TMEM178B: variants seen among roughly 807,000 people sequenced by gnomAD.
TMEM178B encodes transmembrane protein 178B.
Under a neutral mutation model 31.0 loss-of-function variants are expected in TMEM178B, and 5 were observed. That is an observed-to-expected ratio of 0.16 (90% CI 0.08 to 0.34). The LOEUF is 0.34. TMEM178B is among the 10% of genes least tolerant of loss of function. The pLI, the probability that TMEM178B is intolerant of heterozygous loss-of-function variation, is 1.00. For missense variants in TMEM178B, 275 were observed against 400.3 expected, an observed-to-expected ratio of 0.69 and a Z score of 2.67; for synonymous variants, 164 against 164.0, an observed-to-expected ratio of 1.00 and a Z score of 0.00.
At chr7:141,366,035 A>T (rs1334478173) in intron 2 of TMEM178B, among the ~76,000 whole-genome samples, 1 of 152,136 alleles carries the variant, frequency 6.6e-6, no homozygotes, top group Non-Finnish European at 1.5e-5. Context: ...TAATGTTGGG[A>T]GAAACGTTTC....
At chr7:141,112,685 C>T (rs1795253095) in intron 1 of TMEM178B, among the ~76,000 whole-genome samples, 1 of 152,194 alleles carries the variant, frequency 6.6e-6, no homozygotes, top group African/African-American at 2.4e-5. Flanking sequence ...CATCTCCAGG[C>T]ATGTGACTCT....
intron 1 of TMEM178B, among the ~76,000 whole-genome samples, chr7:141,137,930 G>A (rs1451284089): frequency 2.0e-5 from 3 of 152,130 alleles, no homozygotes; most frequent in Non-Finnish European, 4.4e-5. Flanking sequence ...TGATGGAAGG[G>A]GGCTGCTGTA....
At chr7:141,470,492 C>T (rs1195794330) in intron 3 of TMEM178B, 44 bp from the exon 4 acceptor site, 59 of 1,438,526 alleles carry the variant, frequency 4.1e-5, no homozygotes, top group Non-Finnish European at 5.4e-5. Flanking sequence ...TCTCCCCTTT[C>T]CTTCTCCATT....
At chr7:141,324,157 A>C (rs1302602860) in intron 2 of TMEM178B, among the ~76,000 whole-genome samples, 1 of 152,086 alleles carries the variant, frequency 6.6e-6, no homozygotes, top group African/African-American at 2.4e-5. Context: ...TTTGGAAGGA[A>C]AGCCATTGAG....
intron 2 of TMEM178B, among the ~76,000 whole-genome samples, chr7:141,327,195 T>C (rs888550187): frequency 6.6e-6 from 1 of 152,164 alleles, no homozygotes; most frequent in African/African-American, 2.4e-5. Flanking sequence ...GTATAGAGTT[T>C]ATGAAGTTTT....
chr7:141,426,130 A>G (rs1801311977), intron 2 of TMEM178B, among the ~76,000 whole-genome samples: 1 of 152,170 alleles, frequency 6.6e-6, no homozygotes, highest in African/African-American at 2.4e-5. Flanking sequence ...AGAAGAGAAA[A>G]ATTGACTTTA....
In TMEM178B at chr7:141,315,192, A is replaced by G. The variant is rs1345022061; in HGVS notation, c.496+102488A>G. ...GACCTGAAGTTTTGCCTGTGAACTGATCTTTCTGCCAGCCTCTGACCAACT... is the reference window on the plus strand; with the variant it reads ...GACCTGAAGTTTTGCCTGTGAACTGGTCTTTCTGCCAGCCTCTGACCAACT... On this transcript the variant is annotated intron_variant, in intron 2 of 3. Transcript: ENST00000565468. Among the ~76,000 whole-genome samples, 3 of 152,176 alleles carry G rather than the reference A, an allele frequency of 2.0e-5. No homozygotes were observed. In the East Asian group the frequency reaches 5.8e-4, roughly 29 times the overall value.
chr7:141,327,289 CA>C (rs1799209355), intron 2 of TMEM178B, among the ~76,000 whole-genome samples: 1 of 152,088 alleles, frequency 6.6e-6, no homozygotes, highest in Admixed American at 6.6e-5. Context: ...AGAAAGAGCT[CA>C]AATCTGTTTT....
Position 141,272,347 on chromosome 7 carries a change from T to A in TMEM178B, c.496+59643T>A, listed in dbSNP as rs922616242. Among the ~76,000 whole-genome samples, 6 of 152,226 alleles carry A rather than the reference T, an allele frequency of 3.9e-5. No homozygotes were observed. In the South Asian group the frequency reaches 1.0e-3, roughly 26 times the overall value. On this transcript the variant is annotated intron_variant, in intron 2 of 3. Coordinates refer to ENST00000565468, the MANE Select transcript of TMEM178B (RefSeq NM_001195278.2). ...TGAATTGATATCGTGCAAAGCAATT[T>A]GAGAATTTTACTAGCATAATTCACT... is the stretch of plus-strand genomic sequence containing the variant.
intron 3 of TMEM178B, among the ~76,000 whole-genome samples, chr7:141,440,975 G>A (rs904069091): frequency 6.6e-6 from 1 of 152,236 alleles, no homozygotes; most frequent in African/African-American, 2.4e-5. Context: ...AAGCCACTAA[G>A]AGCTGGTCCC....
chr7:141,297,752 A>G (rs911652657), intron 2 of TMEM178B, among the ~76,000 whole-genome samples: 5 of 152,278 alleles, frequency 3.3e-5, no homozygotes, highest in Admixed American at 6.5e-5. Flanking sequence ...AATCCAGTCT[A>G]TCACTGATGG....
rs1388883754 is a variant in TMEM178B, at chr7:141,279,806, C to T, written c.496+67102C>T. ...AGCACTGGCTTCTCTTCCTAGATGG[C>T]CCTTTCTGTAGCCATCGGTGGATTC... On this transcript the variant is annotated intron_variant, in intron 2 of 3. Transcript: ENST00000565468. 2.0e-5 allele frequency among the ~76,000 whole-genome samples: 3 copies of T among 152,358 alleles called. No individual in the cohort carries two copies. The East Asian group carries it at 5.8e-4, about 29-fold the overall frequency.
intron 2 of TMEM178B, among the ~76,000 whole-genome samples, chr7:141,359,592 C>T (rs971473991): frequency 1.3e-5 from 2 of 152,160 alleles, no homozygotes; most frequent in African/African-American, 2.4e-5. Context: ...ATTACAGGCT[C>T]GATCAGCCAT....
intron 1 of TMEM178B, among the ~76,000 whole-genome samples, chr7:141,176,272 A>C (rs1036843475): frequency 6.6e-6 from 1 of 152,154 alleles, no homozygotes; most frequent in African/African-American, 2.4e-5. Context: ...ACTGATTTGC[A>C]TATGTTGAAC....
At position 141,171,632 on chromosome 7, in the gene TMEM178B, T is replaced by A. The variant is rs1796350449; in HGVS notation, c.383-40959T>A. On this transcript the variant is annotated intron_variant, in intron 1 of 3. Transcript: ENST00000565468. The surrounding 1 kb of genome is among the most constrained non-coding windows in gnomAD (Gnocchi z 4.3). ...CTCCCGCATGACACTGTCTTCTGAG[T>A]GATGCATGCAAATTCCAGACAGAGG... is the stretch of plus-strand genomic sequence containing the variant. Among the ~76,000 whole-genome samples the A allele has an allele frequency of 6.6e-6, 1 of 152,056 alleles. No individual in the cohort carries two copies. The highest frequency in any genetic ancestry group is 2.4e-5 in the African/African-American group (1 of 41,380).
intron 3 of TMEM178B, among the ~76,000 whole-genome samples, chr7:141,444,556 A>T (rs1288919693): frequency 6.6e-6 from 1 of 152,146 alleles, no homozygotes; most frequent in African/African-American, 2.4e-5. Context: ...TTCTTTTTGG[A>T]GATAGAGTAT....
At position 141,415,664 on chromosome 7, in the gene TMEM178B, T is replaced by C. The variant is rs534351009; in HGVS notation, c.497-21944T>C. Among the ~76,000 whole-genome samples, 7 of 152,144 alleles carry C rather than the reference T, an allele frequency of 4.6e-5. No homozygotes were observed. The South Asian group carries it at 8.3e-4, about 18-fold the overall frequency. On this transcript the variant is annotated intron_variant, in intron 2 of 3. Transcript: ENST00000565468. The stretch of plus-strand genomic sequence containing the variant: ...TCAGAAATCCAGGGACAAAAAGGAA[T>C]GAAACTCAAAATGTCCCTGAGATTT...
chr7:141,132,158 C>T (rs543554871), intron 1 of TMEM178B, among the ~76,000 whole-genome samples: 1 of 152,244 alleles, frequency 6.6e-6, no homozygotes, highest in African/African-American at 2.4e-5. Flanking sequence ...ATTCAGTGTT[C>T]TCTGCTTGAG....
chr7:141,495,727 T>C, the TMEM178B span, among the ~76,000 whole-genome samples: 2 of 152,204 alleles, frequency 1.3e-5, no homozygotes, highest in East Asian at 1.9e-4. Context: ...TGGAATACCA[T>C]ATAGTCACTA....
Sources: allele counts gnomAD v4.1 joint callset (sites outside exome capture counted in the v4.1 genomes callset), GRCh38; gene constraint gnomAD v4.1.1; non-coding constraint Gnocchi (gnomAD v3.1); transcripts MANE v1.5; gene names NCBI Gene and HGNC (gene_info 2026-07-23, HGNC 2026-07-21).